Variants in LMO7 observed in about 807,000 individuals in gnomAD.
LMO7 encodes LIM domain only protein 7.
LMO7 carries 120 observed loss-of-function variants against 206.5 expected under a neutral mutation model. The ratio of observed to expected loss-of-function variants is 0.58; its 90% CI spans 0.50 to 0.68. The LOEUF (loss-of-function observed/expected upper bound fraction) is 0.68, where lower values mean the gene tolerates loss of function less well. Ranked by LOEUF, LMO7 falls within the 30% of genes least tolerant of loss-of-function variation. The pLI is 0.00. For missense variants in LMO7, 1,959 were observed against 1,957.9 expected (o/e 1.00, Z -0.01); for synonymous variants, 706 against 681.5 (o/e 1.04, Z -0.56).
At chr13:75,817,643 A>G (rs150089986) in intron 12 of LMO7, among the ~76,000 whole-genome samples, 5 of 152,334 alleles carry the variant, frequency 3.3e-5, no homozygotes, top group African/African-American at 1.2e-4. Context: ...TAGGGAGAGA[A>G]GAGGAACAGG....
intron 19 of LMO7, among the ~76,000 whole-genome samples, chr13:75,837,069 A>T (rs578147594): frequency 3.5e-4 from 54 of 152,330 alleles, no homozygotes; most frequent in Admixed American, 2.4e-3. Flanking sequence ...GAAGAAACCC[A>T]AAGAAGACGA....
At chr13:75,645,965 C>G (rs1365175488) in intron 1 of LMO7, among the ~76,000 whole-genome samples, 5 of 152,198 alleles carry the variant, frequency 3.3e-5, no homozygotes, top group Non-Finnish European at 7.3e-5. Context: ...ACATTCCTGA[C>G]CCTGACCTTG....
At chr13:75,834,146 T>A in intron 16 of LMO7, 80 bp from the exon 17 acceptor site, 1 of 1,056,562 alleles carries the variant, frequency 9.5e-7, no homozygotes, top group Non-Finnish European at 1.3e-6. Context: ...TCAGAGTCAT[T>A]TTTCTTAAGT....
At chr13:75,787,982 G>T (rs535170368) in intron 4 of LMO7, among the ~76,000 whole-genome samples, 77 of 152,286 alleles carry the variant, frequency 5.1e-4, no homozygotes, top group African/African-American at 1.7e-3. Flanking sequence ...ATTTTAAATA[G>T]TGCGATGGAT....
At chr13:75,800,954 A>G in intron 7 of LMO7, 72 bp downstream of exon 7, 1 of 1,448,320 alleles carries the variant, frequency 6.9e-7, no homozygotes, top group Non-Finnish European at 9.6e-7. Context: ...AGAGAATAGA[A>G]AAATGGAGCA....
intron 13 of LMO7, 83 bp downstream of exon 13, chr13:75,819,618 G>A: frequency 7.9e-7 from 1 of 1,272,926 alleles, no homozygotes; most frequent in Non-Finnish European, 1.0e-6. Context: ...AGTGTAGTGT[G>A]ACATAGGTGT....
At chr13:75,799,073 C>A (rs1310509419) in intron 6 of LMO7, among the ~76,000 whole-genome samples, 2 of 152,208 alleles carry the variant, frequency 1.3e-5, no homozygotes, top group Admixed American at 6.5e-5. Context: ...GTAAGGTAGG[C>A]ACTTGCATTT....
At chr13:75,829,682 G>A (rs757638969) in intron 15 of LMO7, among the ~76,000 whole-genome samples, 5 of 135,844 alleles carry the variant, frequency 3.7e-5, no homozygotes, top group East Asian at 2.1e-4. Context: ...TTTCGATTTC[G>A]TGTTTAATAT....
In LMO7 at chr13:75,795,394, T is replaced by C; in HGVS notation, c.318-7T>C. 1 of 1,575,228 alleles carries C rather than the reference T, an allele frequency of 6.3e-7. No individual in the cohort carries two copies. The highest frequency in any genetic ancestry group is 1.7e-4 in the Middle Eastern group (1 of 5,990). On this transcript the variant is annotated splice_region_variant and splice_polypyrimidine_tract_variant and intron_variant, in intron 4 of 30. Coordinates refer to ENST00000377534, the MANE Select transcript of LMO7 (RefSeq NM_001306080.2). ...TATTACCTAATAGATATTTTCTTTC[T>C]TTACAGGCAAGAAGAGACTGACAGG...
In LMO7 at chr13:75,841,214, C is replaced by T; in HGVS notation, c.3675+13C>T. 1 of 1,551,462 alleles carries T rather than the reference C, an allele frequency of 6.4e-7. No individual in the cohort carries two copies. The highest frequency in any genetic ancestry group is 8.9e-7 in the Non-Finnish European group (1 of 1,127,750). The stretch of plus-strand genomic sequence containing the variant: ...GTACTTGGATGAGGTAGTGTTAGAA[C>T]ATGCCTGTTTAGTTTTTCTTCTCTT... On this transcript the variant is annotated intron_variant, in intron 23 of 30. Coordinates refer to ENST00000377534, the MANE Select transcript of LMO7 (RefSeq NM_001306080.2).
intron 1 of LMO7, among the ~76,000 whole-genome samples, chr13:75,672,998 TTTA>T (rs2139404631): frequency 6.6e-6 from 1 of 152,316 alleles, no homozygotes; most frequent in Non-Finnish European, 1.5e-5. Flanking sequence ...TATTTTTTCT[TTTA>T]TGATTTCTGG....
intron 1 of LMO7, among the ~76,000 whole-genome samples, chr13:75,674,423 T>A (rs2039843341): frequency 6.6e-6 from 1 of 152,242 alleles, no homozygotes; most frequent in Non-Finnish European, 1.5e-5. Context: ...GAAAATACCA[T>A]GTTAAAAAAA....
At chr13:75,849,333 G>A (rs560527180) in intron 27 of LMO7, 41 bp downstream of exon 27, 40 of 1,452,066 alleles carry the variant, frequency 2.8e-5, no homozygotes, top group Middle Eastern at 1.7e-4. Context: ...TCTTTACTGT[G>A]AGGCAGATAT....
At chr13:75,745,701 A>G (rs2046780660) in intron 3 of LMO7, among the ~76,000 whole-genome samples, 1 of 152,210 alleles carries the variant, frequency 6.6e-6, no homozygotes, top group African/African-American at 2.4e-5. Flanking sequence ...TCATCCAGTC[A>G]TGGAAGGCCT....
chr13:75,837,354 G>A (rs983794291), intron 19 of LMO7, among the ~76,000 whole-genome samples: 5 of 152,224 alleles, frequency 3.3e-5, no homozygotes, highest in Admixed American at 6.5e-5. Context: ...GTAAAGCACC[G>A]GGTCCTATTC....
At chr13:75,722,159 T>C (rs2044073622) in intron 2 of LMO7, among the ~76,000 whole-genome samples, 1 of 152,194 alleles carries the variant, frequency 6.6e-6, no homozygotes, top group East Asian at 1.9e-4. Flanking sequence ...AAAGACTTCA[T>C]GACCAAGAAC....
intron 4 of LMO7, among the ~76,000 whole-genome samples, chr13:75,781,105 T>G: frequency 7.3e-6 from 1 of 136,174 alleles, no homozygotes; most frequent in Non-Finnish European, 1.6e-5. Flanking sequence ...CCTTTTTTTT[T>G]TTTTTTTTTT....
At chr13:75,713,095 A>T in intron 1 of LMO7, 87 bp from the exon 2 acceptor site, 1 of 847,520 alleles carries the variant, frequency 1.2e-6, no homozygotes, top group Non-Finnish European at 1.9e-6. Context: ...GTATAACATT[A>T]AATGCATATT....
chr13:75,735,502 G>T (rs567895126), intron 3 of LMO7, among the ~76,000 whole-genome samples: 4 of 152,092 alleles, frequency 2.6e-5, no homozygotes, highest in Non-Finnish European at 2.9e-5. Context: ...TCACTCTGTC[G>T]CTGGGCTGGA....
Sources: allele counts gnomAD v4.1 joint callset (sites outside exome capture counted in the v4.1 genomes callset), GRCh38; gene constraint gnomAD v4.1.1; transcripts MANE v1.5; gene names NCBI Gene and HGNC (gene_info 2026-07-23, HGNC 2026-07-21).